ASIC2: variants seen among roughly 807,000 people sequenced by gnomAD.
ASIC2 encodes the protein acid-sensing ion channel 2.
A neutral mutation model predicts 57.3 loss-of-function variants in ASIC2; 25 were observed. The ratio of observed to expected loss-of-function variants is 0.44; its 90% CI spans 0.32 to 0.61. The LOEUF (loss-of-function observed/expected upper bound fraction) is 0.61, where lower values mean the gene tolerates loss of function less well. Ranked by LOEUF, ASIC2 falls within the 20% of genes least tolerant of loss-of-function variation. The pLI, the probability that ASIC2 is intolerant of heterozygous loss-of-function variation, is 0.06. For synonymous variants in ASIC2, 319 were observed against 307.5 expected, an observed-to-expected ratio of 1.04 and a Z score of -0.39; for missense variants, 641 against 738.1, an observed-to-expected ratio of 0.87 and a Z score of 1.52.
chr17:33,320,093 T>C (rs560488136), intron 1 of ASIC2, among the ~76,000 whole-genome samples: 235 of 152,174 alleles, frequency 1.5e-3, no homozygotes, highest in Non-Finnish European at 2.6e-3. Context: ...CAGGAGTTAA[T>C]AGAAGCCACA....
chr17:33,441,722 T>A (rs1320707564), intron 1 of ASIC2, among the ~76,000 whole-genome samples: 2 of 152,184 alleles, frequency 1.3e-5, no homozygotes, highest in Non-Finnish European at 2.9e-5. Flanking sequence ...AGAATCTGAA[T>A]AAATAGACCT....
intron 1 of ASIC2, among the ~76,000 whole-genome samples, chr17:34,016,671 T>G (rs1235788426): frequency 1.3e-5 from 2 of 152,228 alleles, no homozygotes; most frequent in African/African-American, 4.8e-5. Context: ...CTATCTTTAC[T>G]GGAAGGATCC....
intron 1 of ASIC2, among the ~76,000 whole-genome samples, chr17:33,681,413 G>C (rs1317984438): frequency 6.6e-6 from 1 of 152,098 alleles, no homozygotes; most frequent in African/African-American, 2.4e-5. Flanking sequence ...ATTTCTCCAG[G>C]CATTTCCAAA....
chr17:33,209,164 G>A (rs533983888), intron 1 of ASIC2, among the ~76,000 whole-genome samples: 246 of 152,282 alleles, frequency 1.6e-3, no homozygotes, highest in African/African-American at 5.7e-3. Context: ...CATGACATCC[G>A]TTAGGGTTTA....
intron 1 of ASIC2, among the ~76,000 whole-genome samples, chr17:34,102,986 TATTAA>T (rs897343821): frequency 2.0e-5 from 3 of 152,254 alleles, no homozygotes; most frequent in Admixed American, 6.5e-5. Flanking sequence ...TGCTTACTTT[TATTAA>T]ATTGTCATTT....
intron 1 of ASIC2, among the ~76,000 whole-genome samples, chr17:33,893,697 T>C (rs1207226478): frequency 6.6e-6 from 1 of 152,204 alleles, no homozygotes; most frequent in East Asian, 1.9e-4. Flanking sequence ...AATTTAAGGC[T>C]GTGTTCTTGG....
intron 9 of ASIC2, 95 bp from the exon 10 acceptor site, chr17:33,014,161 TCC>T: frequency 1.1e-6 from 1 of 951,840 alleles, no homozygotes; most frequent in South Asian, 1.4e-5. Context: ...GGGAAGGTGC[TCC>T]CCACTTGTGG....
chr17:33,071,285 T>A lies in ASIC2; in HGVS notation c.987+17578A>T, dbSNP rs973587015. ...TGTCTCATTGCTACATTCTTCATTTTAAAAATCCTTGTTTTTCTATTTCAT... is the reference window on the plus strand; with the variant it reads ...TGTCTCATTGCTACATTCTTCATTTAAAAAATCCTTGTTTTTCTATTTCAT... On this transcript the variant is annotated intron_variant, in intron 3 of 9. Coordinates refer to ENST00000225823, the MANE Select transcript of ASIC2 (RefSeq NM_183377.2). 3.3e-5 allele frequency among the ~76,000 whole-genome samples: 5 copies of A among 152,200 alleles called. No homozygotes were observed. The East Asian group carries it at 9.6e-4, about 29-fold the overall frequency.
intron 1 of ASIC2, among the ~76,000 whole-genome samples, chr17:33,837,404 G>T (rs1236404523): frequency 6.6e-6 from 1 of 152,170 alleles, no homozygotes; most frequent in Non-Finnish European, 1.5e-5. Context: ...AATCCATAAT[G>T]GTATAGATAC....
At chr17:33,264,143 T>A (rs1429926194) in intron 1 of ASIC2, among the ~76,000 whole-genome samples, 1 of 152,254 alleles carries the variant, frequency 6.6e-6, no homozygotes, top group East Asian at 1.9e-4. Flanking sequence ...ACAAGGTATA[T>A]GCCAGGCAGC....
At chr17:33,205,199 C>T (rs1340946198) in intron 1 of ASIC2, among the ~76,000 whole-genome samples, 1 of 152,200 alleles carries the variant, frequency 6.6e-6, no homozygotes, top group African/African-American at 2.4e-5. Flanking sequence ...GCCCCACAGG[C>T]CAGATGCTTG....
intron 1 of ASIC2, among the ~76,000 whole-genome samples, chr17:33,970,204 G>A (rs1282002151): frequency 2.6e-5 from 4 of 152,136 alleles, no homozygotes; most frequent in African/African-American, 9.7e-5. Context: ...CTTTCATTAT[G>A]ACAACAAAAC....
chr17:33,553,964 C>T (rs765087617), intron 1 of ASIC2, among the ~76,000 whole-genome samples: 5 of 152,072 alleles, frequency 3.3e-5, no homozygotes, highest in Non-Finnish European at 7.4e-5. Context: ...CGTTTTTTCC[C>T]CTGCAGTTGA....
At chr17:33,829,528 G>A (rs185691676) in intron 1 of ASIC2, among the ~76,000 whole-genome samples, 1 of 152,184 alleles carries the variant, frequency 6.6e-6, no homozygotes, top group Admixed American at 6.5e-5. Flanking sequence ...GGGAAGATAG[G>A]AGCAGAGTGT....
chr17:33,673,055 A>T lies in ASIC2; in HGVS notation c.555+482923T>A, dbSNP rs1907686696. Reference sequence around the variant, plus strand: ...GTAAAGCTTGGGATGGGGGACATAAAGAAGAGAAGTTACTCCGTTTGAGAG... The same window carrying T: ...GTAAAGCTTGGGATGGGGGACATAATGAAGAGAAGTTACTCCGTTTGAGAG... On this transcript the variant is annotated intron_variant, in intron 1 of 9. Coordinates refer to the ASIC2 transcript ENST00000359872. 2.6e-5 allele frequency among the ~76,000 whole-genome samples: 4 copies of T among 152,216 alleles called. No individual in the cohort carries two copies. In the South Asian group the frequency reaches 8.3e-4, roughly 32 times the overall value.
At chr17:33,378,563 G>A (rs547475043) in intron 1 of ASIC2, among the ~76,000 whole-genome samples, 4 of 152,350 alleles carry the variant, frequency 2.6e-5, no homozygotes, top group East Asian at 3.9e-4. Context: ...TGATTCCTCA[G>A]TGTGGGTAGA....
At chr17:33,937,854 G>C (rs1916102431) in intron 1 of ASIC2, among the ~76,000 whole-genome samples, 1 of 152,152 alleles carries the variant, frequency 6.6e-6, no homozygotes, top group African/African-American at 2.4e-5. Flanking sequence ...CAAACTGCCA[G>C]AAGTAGGCTT....
intron 1 of ASIC2, among the ~76,000 whole-genome samples, chr17:33,832,664 T>C (rs1913152139): frequency 6.6e-6 from 1 of 152,250 alleles, no homozygotes; most frequent in African/African-American, 2.4e-5. Flanking sequence ...AAAAGTGTCA[T>C]GTTGGCATTT....
intron 3 of ASIC2, among the ~76,000 whole-genome samples, chr17:33,040,384 C>T (rs3025235): frequency 0.03 from 4,643 of 152,318 alleles, 193 homozygotes; most frequent in African/African-American, 0.097. Context: ...AATGTAGTGG[C>T]TGGTGGTGTG....
Sources: gnomAD v4.1 joint callset for allele counts (sites outside exome capture counted in the v4.1 genomes callset) on GRCh38, gnomAD v4.1.1 for gene constraint, MANE v1.5 for transcripts, NCBI Gene and HGNC (gene_info 2026-07-23, HGNC 2026-07-21) for gene names.